DIP2A: variants seen among roughly 807,000 people sequenced by gnomAD.
The protein encoded by DIP2A is disco-interacting protein 2 homolog A.
A neutral mutation model predicts 177.4 loss-of-function variants in DIP2A; 85 were observed. The ratio of observed to expected loss-of-function variants is 0.48; its 90% confidence interval spans 0.40 to 0.57. The LOEUF is 0.57. Among genes scored for constraint, DIP2A ranks in the 20% least tolerant of loss-of-function variants. DIP2A has a pLI of 0.00. For synonymous variants in DIP2A, 886 were observed against 881.8 expected (o/e 1.00, Z -0.08); for missense variants, 1,791 against 2,100.2 (o/e 0.85, Z 2.88).
intron 31 of DIP2A, 26 bp from the exon 32 acceptor site, chr21:46,558,197 G>C: frequency 6.3e-7 from 1 of 1,596,434 alleles, no homozygotes; most frequent in East Asian, 2.2e-5. Context: ...CTGTGGCCGT[G>C]GCCTGACCGC....
chr21:46,543,546 C>T (rs1040344395), intron 18 of DIP2A, among the ~76,000 whole-genome samples: 1 of 9,534 alleles, frequency 1.0e-4, no homozygotes, highest in African/African-American at 9.3e-4. Flanking sequence ...AAAGCGCTCC[C>T]CCAGGCACTC....
chr21:46,476,627 C>A (rs2839279), intron 1 of DIP2A, among the ~76,000 whole-genome samples: 52,892 of 150,690 alleles, frequency 0.35, 9,633 homozygotes, highest in Middle Eastern at 0.45. Context: ...ATGAATCTCA[C>A]GTCTTCTAGT....
chr21:46,506,724 T>TTTTCTTTC lies in DIP2A; in HGVS notation c.784+2279_784+2286dup, dbSNP rs1555887429. ...TATTTTTTTTTTTAATTGTGCTTGTTTTTCTTTCTTTCTTTCTTTCTTTCT... is the reference window on the plus strand; with the variant it reads ...TATTTTTTTTTTTAATTGTGCTTGTTTTTCTTTCTTTCTTTCTTTCTTTCTTTCTTTCT... On this transcript the variant is annotated intron_variant, in intron 6 of 37. Transcript: ENST00000417564. Among the ~76,000 whole-genome samples the TTTTCTTTC allele has an allele frequency of 8.5e-3, 668 of 78,868 alleles. 6 individuals are homozygous for TTTTCTTTC. Among genetic ancestry groups the TTTTCTTTC allele is most frequent in the East Asian group, 0.019 (43 of 2,264 alleles). The allele number at this position is 78,868 out of a possible 152,430, so 51.7% of individuals were successfully genotyped here.
chr21:46,542,979 C>G (rs928604119), intron 18 of DIP2A, among the ~76,000 whole-genome samples: 2 of 152,244 alleles, frequency 1.3e-5, no homozygotes, highest in African/African-American at 4.8e-5. Context: ...GAGCCTGGGG[C>G]CAGCTGGTGC....
Position 46,484,589 on chromosome 21 carries a change from T to C in DIP2A, c.92-168T>C, listed in dbSNP as rs141707110. ...GTGTGTATCAGTAGTTTGTTCCTTT[T>C]TTATTGCTGAGTGGTATTCCATTTT... On this transcript the variant is annotated intron_variant, in intron 1 of 37. Transcript: ENST00000417564. Among the ~76,000 whole-genome samples the C allele has an allele frequency of 6.0e-3, 917 of 152,326 alleles. 8 individuals are homozygous for C. The highest frequency in any genetic ancestry group is 0.02 in the Middle Eastern group (6 of 294).
intron 8 of DIP2A, among the ~76,000 whole-genome samples, chr21:46,514,223 A>G (rs1172200251): frequency 6.6e-6 from 1 of 152,132 alleles, no homozygotes; most frequent in Non-Finnish European, 1.5e-5. Context: ...TCATGAGGTC[A>G]GGAGATCAAG....
chr21:46,557,582 C>T lies in DIP2A; in HGVS notation c.3630-3C>T. 2 of 1,605,794 alleles carry T rather than the reference C, an allele frequency of 1.2e-6. No individual in the cohort carries two copies. The highest frequency in any genetic ancestry group is 1.7e-6 in the Non-Finnish European group (2 of 1,174,018). On this transcript the variant is annotated splice_polypyrimidine_tract_variant and splice_region_variant and intron_variant, in intron 30 of 37. Transcript: ENST00000417564. This position sits in a 1 kb window ranked among gnomAD's most constrained non-coding sequence, Gnocchi z 6.0. ...GGAGCCTCACGAGCCTTCCCTCTCG[C>T]AGTGTCTACTCGGGACACCAATCAG...
chr21:46,518,378 C>CTCCCCA (rs1276428100), intron 8 of DIP2A, among the ~76,000 whole-genome samples: 1 of 152,178 alleles, frequency 6.6e-6, no homozygotes, highest in Non-Finnish European at 1.5e-5. Flanking sequence ...GCCCTACCTG[C>CTCCCCA]TCCCCATCAT....
intron 1 of DIP2A, among the ~76,000 whole-genome samples, chr21:46,459,577 C>T (rs1288962654): frequency 6.2e-5 from 9 of 144,524 alleles, no homozygotes; most frequent in African/African-American, 2.3e-4. Flanking sequence ...CCGCGCGGCC[C>T]CTCACCCCGG....
rs1484896141 is a variant in DIP2A at position 46,459,198 on chromosome 21, G to T, written c.67G>T (p.Glu23Ter). 6.6e-6 allele frequency: 10 copies of T among 1,524,832 alleles called. No homozygotes were observed. The highest frequency in any genetic ancestry group is 8.8e-6 in the Non-Finnish European group (10 of 1,136,750). 94.5% of individuals were successfully genotyped at this position (1,524,832 alleles called of 1,614,324 possible). ...TGCCGAGGTGCGGGAGAGCCTGGCT[G>T]AGCTGGAGCTGGAGCTGTCGGAAGG... ...LPAEVRESLA[E>*]LELELSEGDI... is the part of the protein sequence containing the mutation. The change falls in exon 1 of 38, where the codon GAG (glutamate) becomes TAG (stop). Residue 23 changes from glutamate (E) to a stop codon, truncating the protein, a stop_gained. Transcript: ENST00000417564. LOFTEE classifies it high-confidence loss of function.
At chr21:46,477,293 C>A (rs1601398438) in intron 1 of DIP2A, among the ~76,000 whole-genome samples, 1 of 151,724 alleles carries the variant, frequency 6.6e-6, no homozygotes, top group African/African-American at 2.4e-5. Flanking sequence ...GTCTGTAATC[C>A]CAGCACTTTG....
chr21:46,563,560 T>C lies in DIP2A; in HGVS notation c.4090-298T>C. On this transcript the variant is annotated intron_variant, in intron 34 of 37. Coordinates refer to ENST00000417564, the MANE Select transcript of DIP2A (RefSeq NM_015151.4). This position sits in a 1 kb window ranked among gnomAD's most constrained non-coding sequence, Gnocchi z 4.3. Reference sequence around the variant, plus strand: ...CACCCCTGGATGGATGCCCATCAGGTGCGCTGGCATCACCTGGCTGATTGT... The same window carrying C: ...CACCCCTGGATGGATGCCCATCAGGCGCGCTGGCATCACCTGGCTGATTGT... 1 of 357,846 alleles carries C rather than the reference T, an allele frequency of 2.8e-6. No homozygotes were observed. The highest frequency in any genetic ancestry group is 2.9e-5 in the South Asian group (1 of 34,386). The allele number at this position is 357,846 out of a possible 1,614,324, so 22.2% of individuals were successfully genotyped here.
Position 46,557,612 on chromosome 21 carries a change from G to A in DIP2A, c.3657G>A (p.Leu1219=). Residue 1219 remains leucine, a synonymous_variant, in exon 31 of 38, where the codon CTG becomes CTA. Transcript: ENST00000417564. This position sits in a 1 kb window ranked among gnomAD's most constrained non-coding sequence, Gnocchi z 6.0. ...TCTACTCGGGACACCAATCAGTGCT[G>A]GTGCCCCCGCTGGAGCTGGAGAGCA... The part of the protein sequence containing the change: ...CSVYSGHQSV[L]VPPLELESNV... 1.2e-6 allele frequency: 2 copies of A among 1,613,320 alleles called. No homozygotes were observed. The highest frequency in any genetic ancestry group is 1.7e-6 in the Non-Finnish European group (2 of 1,179,796).
intron 33 of DIP2A, chr21:46,561,537 G>C: frequency 3.0e-6 from 2 of 670,506 alleles, no homozygotes; most frequent in Non-Finnish European, 5.4e-6. Context: ...ACATGGGGTG[G>C]GTGGCGAGTG....
At chr21:46,565,456 C>T (rs1465616397) in intron 35 of DIP2A, among the ~76,000 whole-genome samples, 2 of 152,214 alleles carry the variant, frequency 1.3e-5, no homozygotes, top group Admixed American at 6.5e-5. Flanking sequence ...TCTCGACTTA[C>T]CCACGTAGGA....
chr21:46,502,634 G>A (rs71326338), intron 5 of DIP2A, among the ~76,000 whole-genome samples: 2 of 151,856 alleles, frequency 1.3e-5, no homozygotes, highest in Admixed American at 6.6e-5. Flanking sequence ...TTTTAGTAGA[G>A]ACAGGGTTTC....
chr21:46,496,312 C>T (rs1284794912), intron 3 of DIP2A, among the ~76,000 whole-genome samples: 1 of 152,124 alleles, frequency 6.6e-6, no homozygotes, highest in African/African-American at 2.4e-5. Flanking sequence ...ACAGGACTCA[C>T]GAAGAATCTA....
rs1217193398 is a variant in DIP2A at position 46,492,729 on chromosome 21, G to A, written c.283+2010G>A. ...TGTAATCCCAGCACTTTGGGAGGCT[G>A]AAGCAGGCGGAGACCAGCCTGGCCA... On this transcript the variant is annotated intron_variant, in intron 3 of 37. Transcript: ENST00000417564. Among the ~76,000 whole-genome samples, 4 of 152,242 alleles carry A rather than the reference G, an allele frequency of 2.6e-5. No individual in the cohort carries two copies. In the East Asian group the frequency reaches 7.7e-4, roughly 29 times the overall value.
intron 1 of DIP2A, among the ~76,000 whole-genome samples, chr21:46,477,567 GTATT>G (rs1186003217): frequency 2.8e-4 from 32 of 115,326 alleles, no homozygotes; most frequent in African/African-American, 7.2e-4. Context: ...GTGTGTGTGT[GTATT>G]TCTTTTTTTT....
Sources: gnomAD v4.1 joint callset for allele counts (sites outside exome capture counted in the v4.1 genomes callset) on GRCh38, gnomAD v4.1.1 for gene constraint, Gnocchi (gnomAD v3.1) non-coding constraint, MANE v1.5 for transcripts, NCBI Gene and HGNC (gene_info 2026-07-23, HGNC 2026-07-21) for gene names.